CTNNA2: variants seen among roughly 807,000 people sequenced by gnomAD.
CTNNA2 encodes the protein catenin alpha 2.
A neutral mutation model predicts 101.0 loss-of-function variants in CTNNA2; 42 were observed. The ratio of observed to expected loss-of-function variants is 0.42; its 90% confidence interval spans 0.32 to 0.54. The LOEUF (loss-of-function observed/expected upper bound fraction) is 0.54. Ranked by LOEUF, CTNNA2 falls within the 20% of genes least tolerant of loss-of-function variation. The pLI, the probability that CTNNA2 is intolerant of heterozygous loss-of-function variation, is 0.14. For missense variants in CTNNA2, 871 were observed against 1,223.1 expected (o/e 0.71, Z 4.29); for synonymous variants, 450 against 456.4 (o/e 0.99, Z 0.18).
chr2:80,079,828 T>TAAAATA (rs371009954), intron 7 of CTNNA2, among the ~76,000 whole-genome samples: 14 of 120,098 alleles, frequency 1.2e-4, no homozygotes, highest in South Asian at 2.6e-4. Context: ...TAAAATAAAA[T>TAAAATA]AAATAAAATA....
chr2:79,380,148 A>T (rs886378660), intron 4 of CTNNA2, among the ~76,000 whole-genome samples: 1 of 152,160 alleles, frequency 6.6e-6, no homozygotes, highest in Non-Finnish European at 1.5e-5. Flanking sequence ...TACATAGTGA[A>T]AATATTATAA....
At chr2:80,618,028 C>T (rs1357642023) in intron 17 of CTNNA2, among the ~76,000 whole-genome samples, 2 of 151,732 alleles carry the variant, frequency 1.3e-5, no homozygotes, top group Non-Finnish European at 2.9e-5. Context: ...GATGTGCCTG[C>T]TCTTCAATAG....
intron 14 of CTNNA2, among the ~76,000 whole-genome samples, chr2:80,585,966 C>A (rs1695939847): frequency 3.3e-5 from 5 of 152,130 alleles, no homozygotes; most frequent in Admixed American, 3.3e-4. Context: ...TCGAGCACCC[C>A]TAGAGTCAAA....
intron 3 of CTNNA2, among the ~76,000 whole-genome samples, chr2:79,766,863 C>T (rs1469915245): frequency 1.3e-5 from 2 of 151,944 alleles, no homozygotes; most frequent in Admixed American, 6.6e-5. Flanking sequence ...TCAAGTGATT[C>T]TCCTGCCTCA....
At chr2:80,095,015 C>T (rs1026852435) in intron 7 of CTNNA2, among the ~76,000 whole-genome samples, 11 of 152,178 alleles carry the variant, frequency 7.2e-5, no homozygotes, top group African/African-American at 2.4e-4. Flanking sequence ...TGCCTGATTG[C>T]CCTGGCCAGA....
intron 1 of CTNNA2, among the ~76,000 whole-genome samples, chr2:79,549,034 G>A (rs1436176949): frequency 6.6e-6 from 1 of 152,132 alleles, no homozygotes; most frequent in Non-Finnish European, 1.5e-5. Context: ...TGTGTCCACA[G>A]GGCATACGGT....
intron 18 of CTNNA2, among the ~76,000 whole-genome samples, chr2:80,638,937 C>G (rs1483792406): frequency 6.6e-6 from 1 of 152,214 alleles, no homozygotes; most frequent in Non-Finnish European, 1.5e-5. Flanking sequence ...CTGCCAAGGT[C>G]TTTGCCAATT....
chr2:80,405,747 T>C (rs973558559), intron 8 of CTNNA2, among the ~76,000 whole-genome samples: 1 of 152,084 alleles, frequency 6.6e-6, no homozygotes, highest in African/African-American at 2.4e-5. Context: ...TGAGAAATGG[T>C]TGAATGGATT....
intron 7 of CTNNA2, among the ~76,000 whole-genome samples, chr2:80,041,931 C>G (rs1293451430): frequency 6.6e-6 from 1 of 151,994 alleles, no homozygotes; most frequent in African/African-American, 2.4e-5. Flanking sequence ...AGTTGATAAT[C>G]TAGTAGCTAG....
intron 1 of CTNNA2, among the ~76,000 whole-genome samples, chr2:79,541,327 CTATATA>C (rs10541674): frequency 1.8e-3 from 256 of 146,118 alleles, no homozygotes; most frequent in African/African-American, 6.0e-3. Flanking sequence ...CACAGATATC[CTATATA>C]TATATATATA....
At chr2:80,537,277 A>T (rs1398000658) in intron 9 of CTNNA2, among the ~76,000 whole-genome samples, 1 of 152,174 alleles carries the variant, frequency 6.6e-6, no homozygotes, top group Non-Finnish European at 1.5e-5. Context: ...ATGGCTGCAT[A>T]GTATTCTGTG....
intron 7 of CTNNA2, among the ~76,000 whole-genome samples, chr2:80,327,373 C>G (rs957383170): frequency 6.6e-6 from 1 of 152,150 alleles, no homozygotes; most frequent in Non-Finnish European, 1.5e-5. Context: ...GCAAATGCTA[C>G]GTGGAGGGAA....
intron 7 of CTNNA2, among the ~76,000 whole-genome samples, chr2:80,177,949 A>G (rs1325047712): frequency 3.3e-5 from 5 of 152,204 alleles, no homozygotes; most frequent in Non-Finnish European, 7.3e-5. Flanking sequence ...ATTTCTCTTC[A>G]CCACTGTCCT....
chr2:79,584,887 T>C (rs1215969411), intron 1 of CTNNA2, among the ~76,000 whole-genome samples: 1 of 152,208 alleles, frequency 6.6e-6, no homozygotes, highest in African/African-American at 2.4e-5. Flanking sequence ...CAGTCTCACA[T>C]AGACATCCGG....
intron 3 of CTNNA2, among the ~76,000 whole-genome samples, chr2:79,750,098 G>C (rs76818085): frequency 0.063 from 9,594 of 152,252 alleles, 415 homozygotes; most frequent in African/African-American, 0.12. Flanking sequence ...TCACAGAAAA[G>C]CTTCTTGAAA....
At chr2:79,833,736 T>C (rs1679098272) in intron 3 of CTNNA2, among the ~76,000 whole-genome samples, 1 of 152,210 alleles carries the variant, frequency 6.6e-6, no homozygotes, top group South Asian at 2.1e-4. Flanking sequence ...GCTCTCTTTC[T>C]CTTTCTTAAC....
At chr2:79,943,001 G>A (rs1688261290) in intron 7 of CTNNA2, among the ~76,000 whole-genome samples, 1 of 152,132 alleles carries the variant, frequency 6.6e-6, no homozygotes, top group Non-Finnish European at 1.5e-5. Context: ...TGGATCACCT[G>A]AGGTCAGAAG....
intron 7 of CTNNA2, among the ~76,000 whole-genome samples, chr2:80,144,739 T>C (rs959042153): frequency 6.6e-6 from 1 of 152,218 alleles, no homozygotes; most frequent in Admixed American, 6.5e-5. Context: ...AACCACACAA[T>C]CTTCATTAAC....
chr2:79,801,503 T>A (rs995433764), intron 3 of CTNNA2, among the ~76,000 whole-genome samples: 1 of 152,308 alleles, frequency 6.6e-6, no homozygotes, highest in Admixed American at 6.5e-5. Context: ...AGATAAGAGC[T>A]GTTTCTTCCC....
Sources: allele counts gnomAD v4.1 joint callset (sites outside exome capture counted in the v4.1 genomes callset), GRCh38; gene constraint gnomAD v4.1.1; transcripts MANE v1.5; gene names NCBI Gene and HGNC (gene_info 2026-07-23, HGNC 2026-07-21).